Variants in PTPRT observed in about 807,000 individuals in gnomAD.
PTPRT encodes receptor-type tyrosine-protein phosphatase T.
Under a neutral mutation model 176.8 loss-of-function variants are expected in PTPRT, and 56 were observed. That is an observed-to-expected ratio of 0.32 (90% CI 0.26 to 0.40). The LOEUF (loss-of-function observed/expected upper bound fraction) is 0.40, where lower values mean the gene tolerates loss of function less well. Among genes scored for constraint, PTPRT ranks in the 10% least tolerant of loss-of-function variants. The probability of loss-of-function intolerance (pLI) is 1.00; values close to 1 mark genes in which losing one functional copy is unlikely to be tolerated. For synonymous variants in PTPRT, 783 were observed against 739.0 expected (o/e 1.06, Z -0.96); for missense variants, 1,540 against 1,908.2 (o/e 0.81, Z 3.60).
intron 7 of PTPRT, among the ~76,000 whole-genome samples, chr20:42,494,530 C>T (rs1003920275): frequency 2.0e-5 from 3 of 152,232 alleles, no homozygotes; most frequent in Admixed American, 6.6e-5. Context: ...ATCAAAGAGG[C>T]ATTCCATGAG....
intron 7 of PTPRT, among the ~76,000 whole-genome samples, chr20:42,563,370 T>G (rs2072984290): frequency 6.6e-6 from 1 of 152,152 alleles, no homozygotes. Flanking sequence ...TTCAGACAAT[T>G]GATGGTTTTG....
At chr20:42,907,294 C>A (rs2079490836) in intron 1 of PTPRT, among the ~76,000 whole-genome samples, 1 of 152,024 alleles carries the variant, frequency 6.6e-6, no homozygotes, top group Non-Finnish European at 1.5e-5. Flanking sequence ...ACCCCAATAA[C>A]CTGAAAAAAC....
At chr20:42,115,828 G>GA (rs1987246912) in intron 21 of PTPRT, among the ~76,000 whole-genome samples, 1 of 152,094 alleles carries the variant, frequency 6.6e-6, no homozygotes, top group Middle Eastern at 3.2e-3. Flanking sequence ...TTGGGAGGGG[G>GA]ACATCATTAA....
chr20:42,672,998 G>T (rs563242312), intron 7 of PTPRT, among the ~76,000 whole-genome samples: 1 of 152,324 alleles, frequency 6.6e-6, no homozygotes, highest in East Asian at 1.9e-4. Context: ...ATGTTTGATA[G>T]AAAGGAGTGA....
intron 7 of PTPRT, among the ~76,000 whole-genome samples, chr20:42,606,154 G>C (rs565605558): frequency 6.6e-6 from 1 of 152,114 alleles, no homozygotes; most frequent in African/African-American, 2.4e-5. Flanking sequence ...TTTTTCTCTG[G>C]CTGTGTTTTG....
intron 15 of PTPRT, among the ~76,000 whole-genome samples, chr20:42,201,788 C>T (rs1486117885): frequency 2.0e-5 from 3 of 151,030 alleles, no homozygotes; most frequent in Non-Finnish European, 4.4e-5. Flanking sequence ...TTCCTCTGGT[C>T]GCCTGTGGCA....
At chr20:42,033,441 C>T in the PTPRT span, among the ~76,000 whole-genome samples, 1 of 152,130 alleles carries the variant, frequency 6.6e-6, no homozygotes, top group Admixed American at 6.5e-5. Context: ...GTGCTCCACC[C>T]ACAGTCTCAG....
At chr20:42,433,298 AAAG>A (rs1370298090) in intron 9 of PTPRT, among the ~76,000 whole-genome samples, 7 of 152,214 alleles carry the variant, frequency 4.6e-5, no homozygotes, top group African/African-American at 1.4e-4. Flanking sequence ...GCAGAAAAAA[AAAG>A]AAATCCAGAA....
intron 16 of PTPRT, among the ~76,000 whole-genome samples, chr20:42,161,848 C>A (rs2146505047): frequency 6.6e-6 from 1 of 152,242 alleles, no homozygotes; most frequent in Non-Finnish European, 1.5e-5. Flanking sequence ...TTGGGCAGAA[C>A]CACTAAGAAG....
chr20:42,719,375 G>A (rs1207318162), intron 6 of PTPRT, among the ~76,000 whole-genome samples: 1 of 152,156 alleles, frequency 6.6e-6, no homozygotes, highest in East Asian at 1.9e-4. Context: ...CTGTGACCAA[G>A]ACAGAAAAGG....
At chr20:43,025,103 AC>A (rs1222674010) in intron 1 of PTPRT, among the ~76,000 whole-genome samples, 1 of 152,188 alleles carries the variant, frequency 6.6e-6, no homozygotes, top group African/African-American at 2.4e-5. Context: ...GTCTGTATCC[AC>A]TTACAGGATA....
chr20:42,126,084 C>T (rs567200932), intron 19 of PTPRT, among the ~76,000 whole-genome samples: 2 of 152,154 alleles, frequency 1.3e-5, no homozygotes, highest in East Asian at 1.9e-4. Flanking sequence ...GGTCTGGTTC[C>T]CATCCTGGTT....
chr20:42,582,341 G>A (rs750553191), intron 7 of PTPRT, among the ~76,000 whole-genome samples: 5 of 152,176 alleles, frequency 3.3e-5, no homozygotes, highest in African/African-American at 4.8e-5. Context: ...TTGGCCAGAC[G>A]AAGCTCTGAG....
intron 16 of PTPRT, among the ~76,000 whole-genome samples, chr20:42,185,095 G>A (rs903535880): frequency 6.6e-6 from 1 of 152,182 alleles, no homozygotes; most frequent in Non-Finnish European, 1.5e-5. Context: ...AATAACTAGA[G>A]AAACATCTTG....
At chr20:42,413,744 T>C (rs1427664946) in intron 9 of PTPRT, among the ~76,000 whole-genome samples, 1 of 152,196 alleles carries the variant, frequency 6.6e-6, no homozygotes, top group Non-Finnish European at 1.5e-5. Flanking sequence ...CTACAAGGCA[T>C]TCAAACCTCA....
chr20:42,189,581 C>T (rs986690296), intron 16 of PTPRT, among the ~76,000 whole-genome samples: 2 of 152,154 alleles, frequency 1.3e-5, no homozygotes, highest in Non-Finnish European at 2.9e-5. Flanking sequence ...TGAGAAGGTT[C>T]TATTTATGCA....
intron 7 of PTPRT, among the ~76,000 whole-genome samples, chr20:42,560,476 G>T (rs1420309285): frequency 5.3e-5 from 8 of 152,188 alleles, no homozygotes; most frequent in Non-Finnish European, 1.0e-4. Context: ...CTCACTGTGT[G>T]CCAGTAGCAC....
intron 9 of PTPRT, among the ~76,000 whole-genome samples, chr20:42,398,805 A>T (rs1350709339): frequency 6.6e-6 from 1 of 152,154 alleles, no homozygotes; most frequent in Non-Finnish European, 1.5e-5. Flanking sequence ...ACAATAATTG[A>T]TTATTTCTTA....
At chr20:42,829,442 G>A (rs2078051718) in intron 2 of PTPRT, among the ~76,000 whole-genome samples, 1 of 152,264 alleles carries the variant, frequency 6.6e-6, no homozygotes, top group African/African-American at 2.4e-5. Context: ...AGAAGGCCAT[G>A]ATTGGCCAGG....
Sources: gnomAD v4.1 joint callset for allele counts (sites outside exome capture counted in the v4.1 genomes callset) on GRCh38, gnomAD v4.1.1 for gene constraint, MANE v1.5 for transcripts, NCBI Gene and HGNC (gene_info 2026-07-23, HGNC 2026-07-21) for gene names.